MUC5AC: variants seen among roughly 807,000 people sequenced by gnomAD.
MUC5AC encodes mucin-5AC.
A neutral mutation model predicts 169.7 loss-of-function variants in MUC5AC; 158 were observed. The observed-to-expected ratio is 0.93, with a 90% confidence interval of 0.82 to 1.06. The LOEUF (loss-of-function observed/expected upper bound fraction) is 1.06. MUC5AC is among the 50% of genes least tolerant of loss of function. The pLI, the probability that MUC5AC is intolerant of heterozygous loss-of-function variation, is 0.00. For missense variants in MUC5AC, 4,359 were observed against 3,089.9 expected, an observed-to-expected ratio of 1.41 and a Z score of -9.74; for synonymous variants, 1,975 against 1,237.0, an observed-to-expected ratio of 1.60 and a Z score of -12.52.
intron 25 of MUC5AC, 55 bp downstream of exon 25, chr11:1,178,738 G>A (rs1162020535): frequency 5.2e-6 from 5 of 970,158 alleles, no homozygotes; most frequent in African/African-American, 1.7e-5. Context: ...GTGACCCAAG[G>A]AGCCCCCAGA....
At chr11:1,200,116 GAGATGGCAA>G (rs1448658373) in intron 48 of MUC5AC, 147 bp downstream of exon 48, 1 of 609,664 alleles carries the variant, frequency 1.6e-6, no homozygotes, top group Non-Finnish European at 2.9e-6. Context: ...AAGGGGTCCT[GAGATGGCAA>G]GGGTGGGGCT....
At position 1,168,710 on chromosome 11, in the gene MUC5AC, A is replaced by G. The variant is rs575534170; in HGVS notation, c.1636A>G (p.Asn546Asp). 56 of 1,610,630 alleles carry G rather than the reference A, an allele frequency of 3.5e-5. No individual in the cohort carries two copies. The Middle Eastern group carries it at 6.6e-4, about 19-fold the overall frequency. Residue 546 changes from asparagine to aspartate, a missense_variant, in exon 14 of 49, where the codon AAC becomes GAC. Asn to Asp is a conservative substitution (Grantham distance 23, BLOSUM62 1). Coordinates refer to ENST00000621226, the MANE Select transcript of MUC5AC (RefSeq NM_001304359.2). ...CCAGACCAGCCTGGGCCTGCAGCTG[A>G]ACCTGCAGCTGGTGCCCACCATGCA... ...IAQTSLGLQL[N>D]LQLVPTMQLF...
At chr11:1,161,771 C>T (rs1333526371) in intron 3 of MUC5AC, 136 bp from the exon 4 acceptor site, 8 of 1,373,704 alleles carry the variant, frequency 5.8e-6, no homozygotes, top group Non-Finnish European at 7.8e-6. Flanking sequence ...GCAGGAAGGA[C>T]CCCTGGGTGC....
intron 15 of MUC5AC, among the ~76,000 whole-genome samples, chr11:1,169,574 C>A (rs1241471391): frequency 7.0e-6 from 1 of 143,612 alleles, no homozygotes; most frequent in Non-Finnish European, 1.5e-5. Context: ...ATTCACTCAC[C>A]CATTCGCCCA....
At chr11:1,193,313 C>CG (rs1861171628) in intron 32 of MUC5AC, among the ~76,000 whole-genome samples, 172 bp from the exon 33 acceptor site, 1 of 151,862 alleles carries the variant, frequency 6.6e-6, no homozygotes, top group Admixed American at 6.6e-5. Flanking sequence ...GGCCCCTGCC[C>CG]GGGCCAGCTC....
In MUC5AC at chr11:1,190,340, A is replaced by G. The variant is rs1459788256; in HGVS notation, c.12195A>G (p.Thr4065=). 2 of 660,570 alleles carry G rather than the reference A, an allele frequency of 3.0e-6. No homozygotes were observed. Among genetic ancestry groups the G allele is most frequent in the African/African-American group, 3.6e-5 (2 of 55,566 alleles). The allele number at this position is 660,570 out of a possible 1,614,324, so 40.9% of individuals were successfully genotyped here. A position where few individuals can be genotyped will look rare whatever the true frequency, so the allele number is the denominator to read the frequency against. ...GCCCCGTGACCTCCACACCTGTGACAGCTCCTAGCACCCCTAGTGGGAGAG... is the reference window on the plus strand; with the variant it reads ...GCCCCGTGACCTCCACACCTGTGACGGCTCCTAGCACCCCTAGTGGGAGAG... ...KGCPVTSTPV[T]APSTPSGRAT... The change falls in exon 31 of 49, where the codon ACA becomes ACG. Residue 4065 remains threonine, a synonymous_variant. Transcript: ENST00000621226.
At position 1,185,150 on chromosome 11, in the gene MUC5AC, C is replaced by G. The variant is rs1228384740; in HGVS notation, c.7005C>G (p.Ala2335=). 4.1e-6 allele frequency: 3 copies of G among 724,942 alleles called. No individual in the cohort carries two copies. In the African/African-American group the frequency reaches 5.3e-5, roughly 13 times the overall value. 44.9% of individuals were successfully genotyped at this position (724,942 alleles called of 1,614,324 possible). Residue 2335 remains alanine (A), a synonymous_variant, in exon 31 of 49, where the codon GCC becomes GCG. Coordinates refer to ENST00000621226, the MANE Select transcript of MUC5AC (RefSeq NM_001304359.2). ...CCCCTACAACCAGCACAACCTCTGC[C>G]CCTACAAGCAGCACAACCTCTGGTC... The part of the protein sequence containing the change: ...TSAPTTSTTS[A]PTSSTTSGPG...
rs913492988 is a variant in MUC5AC at position 1,178,184 on chromosome 11, C to T, written c.3088-260C>T. 3.2e-4 allele frequency among the ~76,000 whole-genome samples: 49 copies of T among 152,376 alleles called. No homozygotes were observed. In the East Asian group the frequency reaches 8.9e-3, roughly 28 times the overall value. ...GACTTAGGCGGGTCCTTCGAGGCCA[C>T]GTCAGCTTCTTTTTCTCCAGGAGGG... On this transcript the variant is annotated intron_variant, in intron 24 of 48. Transcript: ENST00000621226.
intron 5 of MUC5AC, 37 bp from the exon 6 acceptor site, chr11:1,162,918 T>C: frequency 6.4e-7 from 1 of 1,565,386 alleles, no homozygotes; most frequent in Non-Finnish European, 8.8e-7. Flanking sequence ...CATCTGCCCC[T>C]GGTGGGGATG....
At chr11:1,197,198 C>G (rs1861299304) in intron 40 of MUC5AC, among the ~76,000 whole-genome samples, 1 of 152,178 alleles carries the variant, frequency 6.6e-6, no homozygotes, top group South Asian at 2.1e-4. Context: ...CTCTTCCCTT[C>G]CTTGGGACGC....
chr11:1,177,533 G>A lies in MUC5AC; in HGVS notation c.2987G>A (p.Arg996Gln), dbSNP rs36189285. 16,100 of 398,660 alleles carry A rather than the reference G, an allele frequency of 0.04. 1,902 individuals carry two copies. The highest frequency in any genetic ancestry group is 0.33 in the East Asian group (9,236 of 28,066). 24.7% of individuals were successfully genotyped at this position (398,660 alleles called of 1,614,324 possible). A position where few individuals can be genotyped will look rare whatever the true frequency, so the allele number is the denominator to read the frequency against. Residue 996 changes from arginine (R) to glutamine (Q), a missense_variant, in exon 24 of 49, where the codon CGG becomes CAG. By Grantham distance (43) the Arg-to-Gln change is conservative. Transcript: ENST00000621226. Reference sequence around the variant, plus strand: ...AGCCAGGAGGTGCCATACACCATCCGGCAGATGGGCATCTACCTGGTGGTG... The same window carrying A: ...AGCCAGGAGGTGCCATACACCATCCAGCAGATGGGCATCTACCTGGTGGTG... ...DESQEVPYTI[R>Q]QMGIYLVVDT... is the part of the protein sequence containing the mutation.
At chr11:1,162,810 CG>C in intron 5 of MUC5AC, 144 bp from the exon 6 acceptor site, 2 of 981,340 alleles carry the variant, frequency 2.0e-6, no homozygotes, top group Non-Finnish European at 3.2e-6. Context: ...AATGGTGTCC[CG>C]GGGTCTGTGC....
rs1185276419 is a variant in MUC5AC at position 1,189,304 on chromosome 11, C to G, written c.11159C>G (p.Thr3720Arg). Residue 3720 changes from threonine (T) to arginine (R), a missense_variant, in exon 31 of 49, where the codon ACA becomes AGA. Physicochemically the swap from Thr to Arg is moderately conservative, Grantham distance 71. Coordinates refer to ENST00000621226, the MANE Select transcript of MUC5AC (RefSeq NM_001304359.2). ...ACAACCTCCACTCCACAGACCACCA[C>G]ATCCTCTGCCCCTACAAGCAGCACA... ...TSTTSTPQTT[T>R]SSAPTSSTTS... 1.8e-6 allele frequency: 1 copy of G among 570,650 alleles called. No homozygotes were observed. The highest frequency in any genetic ancestry group is 3.1e-6 in the Non-Finnish European group (1 of 322,018). 35.3% of individuals were successfully genotyped at this position (570,650 alleles called of 1,614,324 possible). A position where few individuals can be genotyped will look rare whatever the true frequency, so the allele number is the denominator to read the frequency against.
rs921246717 is a variant in MUC5AC at position 1,181,360 on chromosome 11, C to T, written c.3910C>T (p.Arg1304Cys). ...TDGTGGCISA[R>C]CGANGTIERR... The stretch of plus-strand genomic sequence containing the variant: ...TGGCACGGGTGGCTGCATCTCCGCC[C>T]GCTGCGGGGCCAACGGCACCATTGA... Residue 1304 changes from arginine to cysteine, a missense_variant, in exon 30 of 49, where the codon CGC (arginine) becomes TGC (cysteine). By Grantham distance (180) the Arg-to-Cys change is radical (BLOSUM62 -3). Coordinates refer to ENST00000621226, the MANE Select transcript of MUC5AC (RefSeq NM_001304359.2). 7.3e-5 allele frequency: 29 copies of T among 398,706 alleles called. No homozygotes were observed. Among genetic ancestry groups the T allele is most frequent in the East Asian group, 5.0e-4 (14 of 28,058 alleles). The allele number at this position is 398,706 out of a possible 1,614,324, so 24.7% of individuals were successfully genotyped here. A position where few individuals can be genotyped will look rare whatever the true frequency, so the allele number is the denominator to read the frequency against.
At chr11:1,194,739 C>T (rs1861216860) in intron 35 of MUC5AC, 69 bp downstream of exon 35, 1 of 678,344 alleles carries the variant, frequency 1.5e-6, no homozygotes, top group Non-Finnish European at 2.7e-6. Flanking sequence ...AGGGGCGAGG[C>T]CACCACGTGC....
Position 1,187,774 on chromosome 11 carries a change from C to A in MUC5AC, c.9629C>A (p.Ser3210Tyr). The change falls in exon 31 of 49, where the codon TCC (serine) becomes TAC (tyrosine). Residue 3210 changes from serine to tyrosine, a missense_variant. Physicochemically the swap from Ser to Tyr is moderately radical, Grantham distance 144. Transcript: ENST00000621226. ...ACCAGCACAAGCCATGTTTCCATATCCAAGACAACCCACTCCCAACCAGTC... is the reference window on the plus strand; with the variant it reads ...ACCAGCACAAGCCATGTTTCCATATACAAGACAACCCACTCCCAACCAGTC... ...SKTSTSHVSI[S>Y]KTTHSQPVTR... is the part of the protein sequence containing the mutation. 2 of 765,146 alleles carry A rather than the reference C, an allele frequency of 2.6e-6. No individual in the cohort carries two copies. The highest frequency in any genetic ancestry group is 4.8e-6 in the Non-Finnish European group (2 of 417,872). 47.4% of individuals were successfully genotyped at this position (765,146 alleles called of 1,614,324 possible).
rs762807290 is a variant in MUC5AC at position 1,194,578 on chromosome 11, C to T, written c.15098C>T (p.Pro5033Leu). 54 of 764,390 alleles carry T rather than the reference C, an allele frequency of 7.1e-5. No individual in the cohort carries two copies. The highest frequency in any genetic ancestry group is 4.6e-4 in the South Asian group (34 of 74,528). The allele number at this position is 764,390 out of a possible 1,614,324, so 47.4% of individuals were successfully genotyped here. The change falls in exon 35 of 49, where the codon CCG (proline) becomes CTG (leucine). Residue 5033 changes from proline to leucine, a missense_variant. Physicochemically the swap from Pro to Leu is moderately conservative, Grantham distance 98. Transcript: ENST00000621226. The part of the protein sequence containing the change: ...RIGVKMYATI[P>L]ELGVQVMFSG... ...GGCGTCAAGATGTACGCGACCATCC[C>T]GGAGCTGGGAGTCCAGGTCATGTTC...
In MUC5AC at chr11:1,190,914, C is replaced by A. The variant is rs1861075374; in HGVS notation, c.12769C>A (p.Pro4257Thr). 1.4e-6 allele frequency: 1 copy of A among 735,594 alleles called. No individual in the cohort carries two copies. Among genetic ancestry groups the A allele is most frequent in the East Asian group, 2.5e-5 (1 of 39,838 alleles). 45.6% of individuals were successfully genotyped at this position (735,594 alleles called of 1,614,324 possible). A position where few individuals can be genotyped will look rare whatever the true frequency, so the allele number is the denominator to read the frequency against. Residue 4257 changes from proline to threonine, a missense_variant, in exon 31 of 49, where the codon CCA (proline) becomes ACA (threonine). Physicochemically the swap from Pro to Thr is conservative, Grantham distance 38. Transcript: ENST00000621226. ...TSTTSGPGTT[P>T]SPVPSTSTTS... is the part of the protein sequence containing the mutation. ...CACAACCTCTGGTCCTGGAACTACT[C>A]CAAGCCCTGTTCCCAGCACCAGTAC...
In MUC5AC at chr11:1,189,730, G is replaced by T; in HGVS notation, c.11585G>T (p.Ser3862Ile). 1 of 649,376 alleles carries T rather than the reference G, an allele frequency of 1.5e-6. No individual in the cohort carries two copies. Among genetic ancestry groups the T allele is most frequent in the Non-Finnish European group, 2.8e-6 (1 of 356,864 alleles). The allele number at this position is 649,376 out of a possible 1,614,324, so 40.2% of individuals were successfully genotyped here. ...QTSISSAPTSSTTSAPTASTI... is the reference protein window; with the variant it reads ...QTSISSAPTSITTSAPTASTI... ...AGCATATCCTCTGCCCCTACAAGCA[G>T]CACAACCTCTGCTCCTACAGCCAGC... Residue 3862 changes from serine to isoleucine, a missense_variant, in exon 31 of 49, where the codon AGC becomes ATC. By Grantham distance (142) the Ser-to-Ile change is moderately radical. Transcript: ENST00000621226.
Sources: allele counts gnomAD v4.1 joint callset (sites outside exome capture counted in the v4.1 genomes callset), GRCh38; gene constraint gnomAD v4.1.1; transcripts MANE v1.5; gene names NCBI Gene and HGNC (gene_info 2026-07-23, HGNC 2026-07-21).